Variants in KLHL1 observed in about 807,000 individuals in gnomAD.
KLHL1 encodes the protein kelch-like protein 1.
In KLHL1, 47 loss-of-function variants were observed where a neutral mutation model predicts 77.7. The ratio of observed to expected loss-of-function variants is 0.60; its 90% CI spans 0.48 to 0.77. KLHL1 has a LOEUF of 0.77. KLHL1 is among the 30% of genes least tolerant of loss of function. The pLI, the probability that KLHL1 is intolerant of heterozygous loss-of-function variation, is 0.00. For synonymous variants in KLHL1, 360 were observed against 325.2 expected (o/e 1.11, Z -1.15); for missense variants, 925 against 910.8 (o/e 1.02, Z -0.20).
At position 69,796,792 on chromosome 13, in the gene KLHL1, T is replaced by C. The variant is rs1593840732; in HGVS notation, c.1585A>G (p.Lys529Glu). 7.4e-6 allele frequency: 12 copies of C among 1,614,170 alleles called. No individual in the cohort carries two copies. The East Asian group carries it at 2.7e-4, about 36-fold the overall frequency. ...GGTAAGACAGTCCATGTCTTGGTTT[T>C]GGGATTGTAACATTCAACAGTGTTC... ...TLNTVECYNP[K>E]TKTWTVLPPM... Residue 529 changes from lysine to glutamate, a missense_variant, in exon 7 of 11, where the codon AAA becomes GAA. Physicochemically the swap from Lys to Glu is moderately conservative, Grantham distance 56. Transcript: ENST00000377844.
At chr13:70,021,376 G>T (rs1322833877) in intron 1 of KLHL1, among the ~76,000 whole-genome samples, 1 of 151,960 alleles carries the variant, frequency 6.6e-6, no homozygotes, top group Non-Finnish European at 1.5e-5. Context: ...TATCCTATTG[G>T]CTGGATATAC....
At chr13:70,068,622 T>C (rs1192999150) in intron 1 of KLHL1, among the ~76,000 whole-genome samples, 7 of 152,214 alleles carry the variant, frequency 4.6e-5, no homozygotes, top group Admixed American at 3.9e-4. Context: ...AATGTGCCTA[T>C]TTTGTGAGTG....
intron 7 of KLHL1, among the ~76,000 whole-genome samples, chr13:69,746,699 T>G (rs1032100905): frequency 1.3e-5 from 2 of 152,120 alleles, no homozygotes; most frequent in South Asian, 4.1e-4. Context: ...GTCACCTTAT[T>G]GTTGAGAGAA....
chr13:69,702,464 A>T (rs1875439685), intron 10 of KLHL1, among the ~76,000 whole-genome samples: 1 of 151,860 alleles, frequency 6.6e-6, no homozygotes, highest in African/African-American at 2.4e-5. Context: ...GATATCAATA[A>T]TTTTTATTAC....
At chr13:70,050,855 T>G (rs745996544) in intron 1 of KLHL1, among the ~76,000 whole-genome samples, 3 of 152,046 alleles carry the variant, frequency 2.0e-5, no homozygotes, top group Non-Finnish European at 4.4e-5. Flanking sequence ...TGTTTTTATA[T>G]GCATTAACTA....
Position 69,916,016 on chromosome 13 carries a change from G to A in KLHL1, c.1014+24024C>T, listed in dbSNP as rs1050221802. ...GCTCATCATCACTGGCCATCAGAGA[G>A]ATGCAAATCAAAACCACAATGAGAT... is the stretch of plus-strand genomic sequence containing the variant. On this transcript the variant is annotated intron_variant, in intron 4 of 10. Coordinates refer to ENST00000377844, the MANE Select transcript of KLHL1 (RefSeq NM_020866.3). Among the ~76,000 whole-genome samples, 19 of 149,288 alleles carry A rather than the reference G, an allele frequency of 1.3e-4. No individual in the cohort carries two copies. The East Asian group carries it at 2.2e-3, about 17-fold the overall frequency.
At chr13:69,996,857 T>C (rs1203607976) in intron 1 of KLHL1, among the ~76,000 whole-genome samples, 2 of 151,390 alleles carry the variant, frequency 1.3e-5, no homozygotes, top group Non-Finnish European at 2.9e-5. Flanking sequence ...AGTATACAAA[T>C]TTGACTGTGT....
In KLHL1 at chr13:69,975,608, A is replaced by C. The variant is rs1173451087; in HGVS notation, c.680+12T>G. 2 of 1,604,330 alleles carry C rather than the reference A, an allele frequency of 1.2e-6. No homozygotes were observed. The highest frequency in any genetic ancestry group is 1.7e-5 in the Admixed American group (1 of 57,386). ...GTGAATGCATGTTTCCAGTAGAGGC[A>C]GACTACTGTACCTATGTGCAGGTAT... On this transcript the variant is annotated intron_variant, in intron 2 of 10. Transcript: ENST00000377844.
At chr13:70,084,073 A>G (rs576306885) in intron 1 of KLHL1, among the ~76,000 whole-genome samples, 1 of 152,314 alleles carries the variant, frequency 6.6e-6, no homozygotes, top group South Asian at 2.1e-4. Context: ...AGCAAAAACT[A>G]CAGTTAATAT....
At chr13:69,926,815 C>T (rs963362488) in intron 4 of KLHL1, among the ~76,000 whole-genome samples, 14 of 151,176 alleles carry the variant, frequency 9.3e-5, no homozygotes, top group Admixed American at 2.6e-4. Flanking sequence ...GGTATGGTGG[C>T]GGGTGCCTGT....
At chr13:70,040,580 G>A (rs573055559) in intron 1 of KLHL1, among the ~76,000 whole-genome samples, 3 of 152,158 alleles carry the variant, frequency 2.0e-5, no homozygotes, top group Admixed American at 6.5e-5. Context: ...ACTATCATCC[G>A]AATTGTTTTT....
chr13:69,730,557 C>T (rs967437375), intron 8 of KLHL1, among the ~76,000 whole-genome samples: 1 of 151,912 alleles, frequency 6.6e-6, no homozygotes, highest in African/African-American at 2.4e-5. Context: ...TAAAAATTTA[C>T]ATCCAAGAGA....
At chr13:69,985,024 A>T (rs1261332496) in intron 1 of KLHL1, among the ~76,000 whole-genome samples, 1 of 152,098 alleles carries the variant, frequency 6.6e-6, no homozygotes, top group East Asian at 1.9e-4. Flanking sequence ...AGCAGGGAGG[A>T]TCGCTTGAAC....
At chr13:70,070,818 T>C (rs1887120889) in intron 1 of KLHL1, among the ~76,000 whole-genome samples, 1 of 152,128 alleles carries the variant, frequency 6.6e-6, no homozygotes, top group African/African-American at 2.4e-5. Context: ...GTACTTCTAC[T>C]ACCTGTGAAG....
At chr13:69,778,792 CTTTTTTTT>C (rs1172258314) in intron 7 of KLHL1, among the ~76,000 whole-genome samples, 7 of 99,196 alleles carry the variant, frequency 7.1e-5, no homozygotes, top group South Asian at 6.6e-4. Flanking sequence ...TATTCCCTCT[CTTTTTTTT>C]TTTTTTTTTT....
intron 1 of KLHL1, among the ~76,000 whole-genome samples, chr13:70,009,727 T>G (rs563214825): frequency 1.3e-5 from 2 of 152,304 alleles, no homozygotes; most frequent in African/African-American, 4.8e-5. Context: ...TATATTTCAT[T>G]GCTATTCATT....
chr13:69,863,545 A>G (rs1057486746), intron 5 of KLHL1, among the ~76,000 whole-genome samples: 6 of 151,974 alleles, frequency 3.9e-5, no homozygotes, highest in Non-Finnish European at 7.4e-5. Flanking sequence ...CCTGGACTTC[A>G]GCTTGCAAAA....
chr13:70,027,678 A>T (rs1396040802), intron 1 of KLHL1, among the ~76,000 whole-genome samples: 2 of 105,950 alleles, frequency 1.9e-5, no homozygotes, highest in African/African-American at 6.2e-5. Context: ...GAACTGAACA[A>T]AAACGCTGTT....
At chr13:70,105,784 C>T (rs1045187334) in intron 1 of KLHL1, among the ~76,000 whole-genome samples, 10 of 150,940 alleles carry the variant, frequency 6.6e-5, no homozygotes, top group African/African-American at 1.4e-4. Context: ...TAGTACCTAA[C>T]GTTATAATTC....
Sources: allele counts gnomAD v4.1 joint callset (sites outside exome capture counted in the v4.1 genomes callset), GRCh38; gene constraint gnomAD v4.1.1; transcripts MANE v1.5; gene names NCBI Gene and HGNC (gene_info 2026-07-23, HGNC 2026-07-21).